SLC47A2: variants seen among roughly 807,000 people sequenced by gnomAD.
The protein encoded by SLC47A2 is solute carrier family 47 member 2, also known as multidrug and toxin extrusion protein 2.
SLC47A2 carries 52 observed loss-of-function variants against 67.7 expected under a neutral mutation model. The ratio of observed to expected loss-of-function variants is 0.77; its 90% confidence interval spans 0.61 to 0.97. The LOEUF is 0.97. SLC47A2 is among the 50% of genes least tolerant of loss of function. SLC47A2 has a pLI of 0.00. For missense variants in SLC47A2, 676 were observed against 712.3 expected, an observed-to-expected ratio of 0.95 and a Z score of 0.58; for synonymous variants, 278 against 292.9, an observed-to-expected ratio of 0.95 and a Z score of 0.52.
At chr17:19,705,011 G>C in intron 10 of SLC47A2, 1 of 336,684 alleles carries the variant, frequency 3.0e-6, no homozygotes, top group Admixed American at 4.6e-5. Flanking sequence ...ATTTTTAGTA[G>C]AGATGGGGTT....
intron 1 of SLC47A2, 115 bp downstream of exon 1, chr17:19,716,318 T>G: frequency 7.0e-7 from 1 of 1,437,348 alleles, no homozygotes; most frequent in Non-Finnish European, 9.2e-7. Flanking sequence ...GCAGTCAACA[T>G]GGGCAGTTTC....
chr17:19,708,869 A>G (rs1017811039), intron 5 of SLC47A2, 109 bp from the exon 6 acceptor site: 145 of 1,362,710 alleles, frequency 1.1e-4, no homozygotes, highest in Non-Finnish European at 1.4e-4. Context: ...TGGGGAAATT[A>G]CTTCATCAAA....
intron 7 of SLC47A2, 115 bp downstream of exon 7, chr17:19,708,187 T>C: frequency 8.3e-7 from 1 of 1,204,030 alleles, no homozygotes; most frequent in Non-Finnish European, 1.2e-6. Flanking sequence ...CCCATAACCC[T>C]CCACTTCAGG....
Position 19,702,599 on chromosome 17 carries a change from A to T in SLC47A2, c.1164+6T>A. The T allele has an allele frequency of 6.2e-7, 1 of 1,613,846 alleles. No homozygotes were observed. The highest frequency in any genetic ancestry group is 8.5e-7 in the Non-Finnish European group (1 of 1,179,944). On this transcript the variant is annotated splice_donor_region_variant and intron_variant, in intron 13 of 16. Transcript: ENST00000433844. ...GAGTCAGGCTTTGGATCAAAGTGGT[A>T]CTTACACAGATGGCCTCAAACACGT...
At chr17:19,700,447 G>A (rs565095578) in intron 13 of SLC47A2, among the ~76,000 whole-genome samples, 18 of 152,322 alleles carry the variant, frequency 1.2e-4, no homozygotes, top group African/African-American at 4.3e-4. Context: ...CCCCCTGGAA[G>A]GGGAGGCATA....
At chr17:19,680,989 G>T (rs1183261986) in intron 15 of SLC47A2, among the ~76,000 whole-genome samples, 1 of 151,998 alleles carries the variant, frequency 6.6e-6, no homozygotes, top group South Asian at 2.1e-4. Context: ...CAAGGTGGGC[G>T]GATCACGAGG....
intron 13 of SLC47A2, among the ~76,000 whole-genome samples, chr17:19,695,231 C>T (rs1163959562): frequency 6.6e-6 from 1 of 151,924 alleles, no homozygotes; most frequent in African/African-American, 2.4e-5. Context: ...AATGTTCTCA[C>T]CACAAGAAAA....
intron 13 of SLC47A2, among the ~76,000 whole-genome samples, chr17:19,694,124 A>C (rs1036427410): frequency 2.0e-5 from 3 of 152,218 alleles, no homozygotes; most frequent in Non-Finnish European, 4.4e-5. Context: ...GAGATAAAGA[A>C]GTTCTAAATA....
rs1225833311 is a variant in SLC47A2, at chr17:19,701,523, CTAAGT to C, written c.1164+1077_1164+1081del. ...AAAGGGCTGGAATGCGCCAGTATTG[CTAAGT>C]AAGGGCATATCCTTCTGCAGAGCTA... On this transcript the variant is annotated intron_variant, in intron 13 of 16. Coordinates refer to ENST00000433844, the MANE Select transcript of SLC47A2 (RefSeq NM_001099646.3). Among the ~76,000 whole-genome samples the C allele has an allele frequency of 3.9e-5, 6 of 152,218 alleles. No homozygotes were observed. In the South Asian group the frequency reaches 6.2e-4, roughly 16 times the overall value.
At chr17:19,715,035 C>A in intron 2 of SLC47A2, 81 bp downstream of exon 2, 1 of 1,485,716 alleles carries the variant, frequency 6.7e-7, no homozygotes, top group Non-Finnish European at 9.3e-7. Flanking sequence ...TGACCAGCCA[C>A]CCAAGACGGG....
At chr17:19,692,522 A>G (rs1159862076) in intron 13 of SLC47A2, among the ~76,000 whole-genome samples, 1 of 152,230 alleles carries the variant, frequency 6.6e-6, no homozygotes, top group Non-Finnish European at 1.5e-5. Flanking sequence ...ACCTATACCA[A>G]GTAAATAGAT....
intron 13 of SLC47A2, among the ~76,000 whole-genome samples, chr17:19,683,296 A>G (rs1597589456): frequency 6.6e-6 from 1 of 152,142 alleles, no homozygotes; most frequent in Non-Finnish European, 1.5e-5. Context: ...TAAACATCCT[A>G]CAATGCCCAG....
intron 13 of SLC47A2, among the ~76,000 whole-genome samples, chr17:19,691,411 T>G (rs1184356555): frequency 6.6e-6 from 1 of 152,206 alleles, no homozygotes. Context: ...GGAGTACTAG[T>G]CAGCCATAAA....
Position 19,702,268 on chromosome 17 carries a change from A to G in SLC47A2, c.1164+337T>C. On this transcript the variant is annotated intron_variant, in intron 13 of 16. Coordinates refer to ENST00000433844, the MANE Select transcript of SLC47A2 (RefSeq NM_001099646.3). ...TGGCAACAGGATATGGTTGCCATTC[A>G]GCTCCTGGCCAGCCTGGGGCACAGG... 3.0e-6 allele frequency: 3 copies of G among 985,296 alleles called. No individual in the cohort carries two copies. The South Asian group carries it at 1.4e-4, about 46-fold the overall frequency. 61.0% of individuals were successfully genotyped at this position (985,296 alleles called of 1,614,324 possible). A position where few individuals can be genotyped will look rare whatever the true frequency, so the allele number is the denominator to read the frequency against.
At chr17:19,682,221 G>A (rs2152338125) in intron 13 of SLC47A2, among the ~76,000 whole-genome samples, 1 of 151,970 alleles carries the variant, frequency 6.6e-6, no homozygotes, top group Admixed American at 6.6e-5. Flanking sequence ...AAATTAGCCA[G>A]GCAAGGTGGC....
intron 1 of SLC47A2, chr17:19,715,692 G>GTTTTTTTTTT (rs1262965934): frequency 1.2e-4 from 10 of 86,648 alleles, no homozygotes; most frequent in African/African-American, 3.4e-4. Flanking sequence ...CTCCTTTTTG[G>GTTTTTTTTTT]TTTTGTTTTT....
chr17:19,710,733 G>A (rs2086071708), intron 5 of SLC47A2, among the ~76,000 whole-genome samples: 1 of 151,908 alleles, frequency 6.6e-6, no homozygotes, highest in South Asian at 2.1e-4. Context: ...GATTACAGGT[G>A]TGAGCCACCG....
chr17:19,708,186 C>T (rs1301657823), intron 7 of SLC47A2, 116 bp downstream of exon 7: 3 of 1,198,406 alleles, frequency 2.5e-6, no homozygotes, highest in Non-Finnish European at 3.5e-6. Flanking sequence ...CCCCATAACC[C>T]TCCACTTCAG....
rs2085981476 is a variant in SLC47A2, at chr17:19,707,764, G to A, written c.709C>T (p.His237Tyr). 6.3e-7 allele frequency: 1 copy of A among 1,596,614 alleles called. No homozygotes were observed. Among genetic ancestry groups the A allele is most frequent in the Non-Finnish European group, 8.5e-7 (1 of 1,172,026 alleles). The stretch of plus-strand genomic sequence containing the variant: ...CTCCCACCTGCCCACGTCTCCAGGT[G>A]CAGCTTCTTCAGCACAATGTAGAGA... ...LLLYIVLKKL[H>Y]LETWAGWSSQ... Residue 237 changes from histidine to tyrosine, a missense_variant, in exon 8 of 17, where the codon CAC (histidine) becomes TAC (tyrosine). Transcript: ENST00000433844.
Sources: gnomAD v4.1 joint callset for allele counts (sites outside exome capture counted in the v4.1 genomes callset) on GRCh38, gnomAD v4.1.1 for gene constraint, MANE v1.5 for transcripts, NCBI Gene and HGNC (gene_info 2026-07-23, HGNC 2026-07-21) for gene names.